MYO16: variants seen among roughly 807,000 people sequenced by gnomAD.
MYO16 encodes the protein myosin XVI, also known as unconventional myosin-XVI.
In MYO16, 94 loss-of-function variants were observed where a neutral mutation model predicts 205.3. The observed-to-expected ratio is 0.46, with a 90% CI of 0.39 to 0.54. MYO16 has a LOEUF of 0.54. MYO16 is among the 20% of genes least tolerant of loss of function. The pLI is 0.00. For missense variants in MYO16, 2,315 were observed against 2,387.5 expected, an observed-to-expected ratio of 0.97 and a Z score of 0.63; for synonymous variants, 988 against 954.0, an observed-to-expected ratio of 1.04 and a Z score of -0.66.
At chr13:108,793,212 G>A (rs1447414102) in intron 5 of MYO16, among the ~76,000 whole-genome samples, 1 of 151,656 alleles carries the variant, frequency 6.6e-6, no homozygotes. Flanking sequence ...CGTGAACCCG[G>A]GAGGTGGAGC....
chr13:108,751,106 C>T (rs926252892), intron 4 of MYO16, among the ~76,000 whole-genome samples: 4 of 152,026 alleles, frequency 2.6e-5, no homozygotes, highest in African/African-American at 9.7e-5. Flanking sequence ...CCTCCCCTGT[C>T]AGTTGAGAGA....
At chr13:108,593,602 C>G (rs1366396300), upstream of MYO16, among the ~76,000 whole-genome samples, 1 of 152,148 alleles carries the variant, frequency 6.6e-6, no homozygotes, top group Non-Finnish European at 1.5e-5. Context: ...TAACCCATGA[C>G]ATTAGGAAGT....
At chr13:109,022,362 ATATG>A (rs1245403591) in intron 23 of MYO16, among the ~76,000 whole-genome samples, 6 of 110,164 alleles carry the variant, frequency 5.4e-5, no homozygotes, top group Admixed American at 1.2e-4. Flanking sequence ...ATATATGTAT[ATATG>A]TATGTATTAT....
intron 4 of MYO16, among the ~76,000 whole-genome samples, chr13:108,737,560 T>G (rs1884749256): frequency 6.6e-6 from 1 of 152,226 alleles, no homozygotes; most frequent in Non-Finnish European, 1.5e-5. Context: ...TTGAGGATTT[T>G]TGCATCAATG....
chr13:108,770,652 G>A (rs569551794), intron 4 of MYO16, among the ~76,000 whole-genome samples: 1 of 152,164 alleles, frequency 6.6e-6, no homozygotes, highest in Non-Finnish European at 1.5e-5. Context: ...TGAAGCCACT[G>A]AGGAAATAAT....
At chr13:108,821,838 A>C (rs1050704322) in intron 8 of MYO16, among the ~76,000 whole-genome samples, 1 of 152,220 alleles carries the variant, frequency 6.6e-6, no homozygotes, top group African/African-American at 2.4e-5. Flanking sequence ...GGTCATGCAA[A>C]GTCGACCAGC....
chr13:108,903,522 G>A (rs1462238457), intron 15 of MYO16, among the ~76,000 whole-genome samples: 1 of 152,102 alleles, frequency 6.6e-6, no homozygotes, highest in African/African-American at 2.4e-5. Context: ...ATATGTATAT[G>A]TATTTTTTGT....
intron 9 of MYO16, among the ~76,000 whole-genome samples, chr13:108,829,170 C>T (rs900816169): frequency 5.3e-5 from 8 of 152,106 alleles, no homozygotes; most frequent in Admixed American, 1.3e-4. Context: ...TAACCCTTGG[C>T]GGTTAGCATA....
chr13:108,934,785 C>A (rs776580264), intron 16 of MYO16, among the ~76,000 whole-genome samples: 2 of 151,946 alleles, frequency 1.3e-5, no homozygotes, highest in South Asian at 4.1e-4. Flanking sequence ...AATTCATTTT[C>A]AGTTAATTTT....
intron 28 of MYO16, among the ~76,000 whole-genome samples, chr13:109,119,132 C>T (rs1040355553): frequency 2.0e-5 from 3 of 152,172 alleles, no homozygotes; most frequent in African/African-American, 7.2e-5. Context: ...GGAATAAACT[C>T]CATTTTCATA....
At chr13:109,107,850 TG>T (rs1889166598) in intron 28 of MYO16, among the ~76,000 whole-genome samples, 1 of 148,304 alleles carries the variant, frequency 6.7e-6, no homozygotes, top group Non-Finnish European at 1.5e-5. Flanking sequence ...TATATGTGTG[TG>T]TGTCTGTGTG....
chr13:108,894,504 C>T (rs917918441), intron 14 of MYO16, among the ~76,000 whole-genome samples: 4 of 151,844 alleles, frequency 2.6e-5, no homozygotes, highest in Non-Finnish European at 5.9e-5. Flanking sequence ...CAGTACTCTC[C>T]CTGAAGGAGG....
At chr13:108,972,351 C>CATCTAT (rs1406677239) in intron 20 of MYO16, among the ~76,000 whole-genome samples, 488 of 17,450 alleles carry the variant, frequency 0.028, 180 homozygotes, top group Non-Finnish European at 0.043. Context: ...TATATATAGC[C>CATCTAT]ATATATATAT....
intron 16 of MYO16, among the ~76,000 whole-genome samples, chr13:108,916,063 G>GAAAAT (rs1359028497): frequency 1.9e-3 from 282 of 152,314 alleles, no homozygotes; most frequent in Admixed American, 3.3e-3. Context: ...CTATTTGGAG[G>GAAAAT]TGAGTCTTCA....
intron 1 of MYO16, among the ~76,000 whole-genome samples, chr13:108,664,189 A>C (rs1309626205): frequency 6.6e-6 from 1 of 152,250 alleles, no homozygotes; most frequent in African/African-American, 2.4e-5. Flanking sequence ...TTATGAAAAC[A>C]TATGATACTA....
intron 1 of MYO16, among the ~76,000 whole-genome samples, chr13:108,658,391 A>G (rs1881337800): frequency 7.1e-6 from 1 of 140,500 alleles, no homozygotes; most frequent in African/African-American, 2.7e-5. Flanking sequence ...TAATAGCATC[A>G]TTTTATTTTC....
At chr13:108,830,962 C>T (rs1454421918) in intron 9 of MYO16, among the ~76,000 whole-genome samples, 1 of 152,090 alleles carries the variant, frequency 6.6e-6, no homozygotes, top group East Asian at 1.9e-4. Flanking sequence ...ACATCTGTTT[C>T]TGTTAGTAAT....
chr13:108,957,854 A>T lies in MYO16; in HGVS notation c.2037+55A>T. The stretch of plus-strand genomic sequence containing the variant: ...AAAATCAACCTTCTACTAATTTATA[A>T]AAGTTATTCATTCAAAAGCATTTAC... On this transcript the variant is annotated intron_variant, in intron 17 of 34. Coordinates refer to ENST00000457511, the MANE Select transcript of MYO16 (RefSeq NM_001198950.3). 3.7e-6 allele frequency: 5 copies of T among 1,356,210 alleles called. No homozygotes were observed. The South Asian group carries it at 6.1e-5, about 17-fold the overall frequency. 84.0% of individuals were successfully genotyped at this position (1,356,210 alleles called of 1,614,324 possible). A position where few individuals can be genotyped will look rare whatever the true frequency, so the allele number is the denominator to read the frequency against.
intron 2 of MYO16, among the ~76,000 whole-genome samples, chr13:108,698,055 C>T (rs1400792867): frequency 3.3e-5 from 5 of 152,114 alleles, no homozygotes; most frequent in Non-Finnish European, 7.4e-5. Context: ...GCCTTCATTC[C>T]TCCTCTGCAG....
Sources: gnomAD v4.1 joint callset for allele counts (sites outside exome capture counted in the v4.1 genomes callset) on GRCh38, gnomAD v4.1.1 for gene constraint, MANE v1.5 for transcripts, NCBI Gene and HGNC (gene_info 2026-07-23, HGNC 2026-07-21) for gene names.